COL5A2: variants seen among roughly 807,000 people sequenced by gnomAD.
COL5A2 encodes the protein collagen type V alpha 2 chain.
A neutral mutation model predicts 208.2 loss-of-function variants in COL5A2; 23 were observed. The ratio of observed to expected loss-of-function variants is 0.11; its 90% CI spans 0.08 to 0.16. The LOEUF is 0.16. Among genes scored for constraint, COL5A2 ranks in the 10% least tolerant of loss-of-function variants. The pLI is 1.00. For synonymous variants in COL5A2, 625 were observed against 628.5 expected, an observed-to-expected ratio of 0.99 and a Z score of 0.08; for missense variants, 1,590 against 1,956.4, an observed-to-expected ratio of 0.81 and a Z score of 3.53.
chr2:189,222,726 G>A (rs1446018041), intron 1 of COL5A2, among the ~76,000 whole-genome samples: 3 of 152,154 alleles, frequency 2.0e-5, no homozygotes, highest in Non-Finnish European at 2.9e-5. Context: ...AAACCTGCCT[G>A]CTTTCCTCCT....
At chr2:189,218,884 A>G (rs530176292) in intron 1 of COL5A2, among the ~76,000 whole-genome samples, 1 of 152,316 alleles carries the variant, frequency 6.6e-6, no homozygotes, top group Non-Finnish European at 1.5e-5. Context: ...AGCAGAAAAA[A>G]AAAATGAACT....
intron 1 of COL5A2, among the ~76,000 whole-genome samples, chr2:189,163,822 C>T (rs540906047): frequency 2.0e-5 from 3 of 152,188 alleles, no homozygotes; most frequent in Non-Finnish European, 4.4e-5. Context: ...GGTTTTGCAA[C>T]AGAAGTAACT....
At chr2:189,246,657 T>C in the COL5A2 span, among the ~76,000 whole-genome samples, 1 of 152,208 alleles carries the variant, frequency 6.6e-6, no homozygotes, top group Non-Finnish European at 1.5e-5. Flanking sequence ...TTTAGTTATA[T>C]ACAGATGTGA....
intron 45 of COL5A2, among the ~76,000 whole-genome samples, chr2:189,046,814 T>C (rs968056920): frequency 6.7e-6 from 1 of 149,390 alleles, no homozygotes; most frequent in Non-Finnish European, 1.5e-5. Context: ...TTCAAGGTTT[T>C]GAAAAAAAAA....
the COL5A2 span, among the ~76,000 whole-genome samples, chr2:189,260,137 T>C: frequency 6.6e-6 from 1 of 152,216 alleles, no homozygotes; most frequent in Non-Finnish European, 1.5e-5. Flanking sequence ...CTTTGTTGTA[T>C]TATATTCCTC....
At chr2:189,422,821 G>A in the COL5A2 span, among the ~76,000 whole-genome samples, 3 of 151,998 alleles carry the variant, frequency 2.0e-5, no homozygotes, top group Non-Finnish European at 2.9e-5. Flanking sequence ...TCAGGAGTTC[G>A]AGACCAGCTT....
At chr2:189,168,448 A>T (rs1265610263) in intron 1 of COL5A2, among the ~76,000 whole-genome samples, 1 of 152,094 alleles carries the variant, frequency 6.6e-6, no homozygotes, top group Non-Finnish European at 1.5e-5. Flanking sequence ...TTCACCAAAA[A>T]TTCTGGCTGA....
the COL5A2 span, among the ~76,000 whole-genome samples, chr2:189,440,398 C>T: frequency 2.6e-4 from 40 of 152,306 alleles, no homozygotes; most frequent in South Asian, 1.2e-3. Context: ...TAGCTGATTG[C>T]TCCTAGGCTA....
At chr2:189,192,737 G>A (rs973741090) in intron 1 of COL5A2, among the ~76,000 whole-genome samples, 3 of 152,042 alleles carry the variant, frequency 2.0e-5, no homozygotes, top group East Asian at 1.9e-4. Context: ...CCAGTGCTAC[G>A]GTTTGAATGT....
the COL5A2 span, among the ~76,000 whole-genome samples, chr2:189,427,368 A>G: frequency 3.3e-5 from 5 of 152,118 alleles, no homozygotes; most frequent in South Asian, 8.3e-4. Context: ...TAGAAAACGT[A>G]TGGAATAGCC....
the COL5A2 span, among the ~76,000 whole-genome samples, chr2:189,310,406 C>T: frequency 1.3e-5 from 2 of 152,052 alleles, no homozygotes; most frequent in African/African-American, 4.8e-5. Flanking sequence ...GGCTTATATC[C>T]AAAAGACAGG....
chr2:189,049,123 C>T (rs1685729710), intron 44 of COL5A2, among the ~76,000 whole-genome samples: 1 of 152,132 alleles, frequency 6.6e-6, no homozygotes, highest in Admixed American at 6.5e-5. Flanking sequence ...ATACTTAGCT[C>T]CAGACTAGAT....
At chr2:189,242,285 TA>T in the COL5A2 span, among the ~76,000 whole-genome samples, 1 of 152,220 alleles carries the variant, frequency 6.6e-6, no homozygotes, top group Non-Finnish European at 1.5e-5. Context: ...AAACATTTTT[TA>T]GGTGTTTTAC....
chr2:189,418,412 T>C, the COL5A2 span, among the ~76,000 whole-genome samples: 1 of 152,282 alleles, frequency 6.6e-6, no homozygotes, highest in Non-Finnish European at 1.5e-5. Context: ...AGTTATCACT[T>C]AGTCTTTTCT....
the COL5A2 span, among the ~76,000 whole-genome samples, chr2:189,262,401 A>G: frequency 4.6e-5 from 7 of 151,832 alleles, no homozygotes; most frequent in African/African-American, 1.7e-4. Context: ...ACACTAGTTT[A>G]CCAACTTTTT....
intron 23 of COL5A2, among the ~76,000 whole-genome samples, chr2:189,065,733 G>C (rs1686134323): frequency 6.6e-6 from 1 of 152,174 alleles, no homozygotes; most frequent in Admixed American, 6.5e-5. Flanking sequence ...TGAGATTACT[G>C]TTCTTCTTTT....
chr2:189,083,918 G>C lies in COL5A2; in HGVS notation c.852+66C>G, dbSNP rs1409259831. The C allele has an allele frequency of 1.6e-5, 19 of 1,182,436 alleles. No individual in the cohort carries two copies. The East Asian group carries it at 4.2e-4, about 26-fold the overall frequency. The allele number at this position is 1,182,436 out of a possible 1,614,324, so 73.2% of individuals were successfully genotyped here. ...AGTGCCTGATACATGTGCATACAGA[G>C]AATTGTGATTTAATTCAATGTTCTT... On this transcript the variant is annotated intron_variant, in intron 12 of 53. Coordinates refer to ENST00000374866, the MANE Select transcript of COL5A2 (RefSeq NM_000393.5).
At chr2:189,353,781 T>C in the COL5A2 span, among the ~76,000 whole-genome samples, 1 of 152,208 alleles carries the variant, frequency 6.6e-6, no homozygotes, top group Non-Finnish European at 1.5e-5. Flanking sequence ...ACCGTTTTTT[T>C]CTTTCTATTG....
intron 5 of COL5A2, 39 bp from the exon 6 acceptor site, chr2:189,097,369 T>C (rs368994022): frequency 5.0e-6 from 8 of 1,601,374 alleles, no homozygotes; most frequent in South Asian, 3.3e-5. Context: ...CAAAAATGTA[T>C]ACTTTCTTAT....
Sources: allele counts gnomAD v4.1 joint callset (sites outside exome capture counted in the v4.1 genomes callset), GRCh38; gene constraint gnomAD v4.1.1; transcripts MANE v1.5; gene names NCBI Gene and HGNC (gene_info 2026-07-23, HGNC 2026-07-21).